Variants in ARAP2 observed in about 807,000 individuals in gnomAD.
ARAP2 encodes the protein ArfGAP with RhoGAP domain, ankyrin repeat and PH domain 2.
In ARAP2, 148 loss-of-function variants were observed where a neutral mutation model predicts 194.5. That is an observed-to-expected ratio of 0.76 (90% CI 0.67 to 0.87). The LOEUF is 0.87. ARAP2 is among the 40% of genes least tolerant of loss of function. The pLI, the probability that ARAP2 is intolerant of heterozygous loss-of-function variation, is 0.00. For missense variants in ARAP2, 2,128 were observed against 1,989.7 expected (o/e 1.07, Z -1.32); for synonymous variants, 695 against 683.5 (o/e 1.02, Z -0.26).
intron 19 of ARAP2, among the ~76,000 whole-genome samples, chr4:36,138,566 T>C (rs920002195): frequency 2.6e-5 from 4 of 151,680 alleles, no homozygotes; most frequent in African/African-American, 9.7e-5. Context: ...TGATAATCAG[T>C]ACTTCACATA....
At position 36,137,643 on chromosome 4, in the gene ARAP2, G is replaced by GT. The variant is rs200449741; in HGVS notation, c.3264-4255dup. 5.3e-3 allele frequency among the ~76,000 whole-genome samples: 809 copies of GT among 151,256 alleles called. 11 individuals are homozygous for GT. Among genetic ancestry groups the GT allele is most frequent in the African/African-American group, 0.018 (757 of 41,306 alleles). ...AGAGAACTGGAAATATCTCTGCCAA[G>GT]TTTTTTTTTCCATATATGACTAGGA... On this transcript the variant is annotated intron_variant, in intron 19 of 32. Transcript: ENST00000303965.
chr4:36,144,217 T>G (rs1402465855), intron 19 of ARAP2, among the ~76,000 whole-genome samples: 1 of 151,864 alleles, frequency 6.6e-6, no homozygotes, highest in African/African-American at 2.4e-5. Flanking sequence ...ATGAAAAGGA[T>G]AAACACATTT....
At chr4:36,006,254 C>G (rs1322605289) in intron 10 of ARAP2, 1 of 152,184 alleles carries the variant, frequency 6.6e-6, no homozygotes, top group Non-Finnish European at 1.5e-5. Context: ...TTTGAACCTA[C>G]TGTAGCAGAA....
intron 1 of ARAP2, among the ~76,000 whole-genome samples, chr4:36,234,477 G>A (rs577648092): frequency 6.6e-5 from 10 of 152,172 alleles, no homozygotes; most frequent in South Asian, 2.1e-4. Flanking sequence ...GGGAGCGGGG[G>A]GTGGGGGACA....
At chr4:36,151,310 G>T (rs1418573929) in intron 15 of ARAP2, among the ~76,000 whole-genome samples, 1 of 152,096 alleles carries the variant, frequency 6.6e-6, no homozygotes, top group Non-Finnish European at 1.5e-5. Context: ...GCTGTAAAGA[G>T]GTTGCTGAAA....
In ARAP2 at chr4:36,068,102, C is replaced by T. The variant is rs778155301; in HGVS notation, c.4920G>A (p.Glu1640=). 6.2e-7 allele frequency: 1 copy of T among 1,614,010 alleles called. No homozygotes were observed. Among genetic ancestry groups the T allele is most frequent in the East Asian group, 2.2e-5 (1 of 44,894 alleles). Residue 1640 remains glutamate (E), a synonymous_variant, in exon 33 of 33, where the codon GAG becomes GAA. Transcript: ENST00000303965. ...HRSFNCLEDT[E]PEAPLGQPKG... ...TTGGTTGCCCAAGTGGGGCTTCAGG[C>T]TCTGTGTCCTCCAGGCAGTTGAAAC...
chr4:36,178,053 A>G (rs572241068), intron 8 of ARAP2, 48 bp from the exon 9 acceptor site: 3 of 1,496,806 alleles, frequency 2.0e-6, no homozygotes, highest in African/African-American at 2.8e-5. Context: ...TATAAGTTAC[A>G]TAGACACAGA....
At chr4:36,229,747 C>A (rs959638926) in intron 1 of ARAP2, 102 bp from the exon 2 acceptor site, 1 of 292,360 alleles carries the variant, frequency 3.4e-6, no homozygotes, top group African/African-American at 2.2e-5. Flanking sequence ...GACACTAACT[C>A]TCACTCTGCA....
exon 9 of ARAP2, chr4:36,012,748 G>A (rs1236054034): frequency 6.6e-6 from 1 of 152,184 alleles, no homozygotes; most frequent in African/African-American, 2.4e-5. Flanking sequence ...GGGTTACAGA[G>A]CAGAGTGCAC....
chr4:36,147,582 TC>T lies in ARAP2; in HGVS notation c.3164del (p.Gly1055GlufsTer6). 6.2e-7 allele frequency: 1 copy of T among 1,613,472 alleles called. No homozygotes were observed. The highest frequency in any genetic ancestry group is 1.3e-5 in the African/African-American group (1 of 75,008). ...HFCLQMQEVQGDRMHLRRLQE... is the reference protein window; with the variant it reads ...HFCLQMQEVQXDRMHLRRLQE... Reference sequence around the variant, plus strand: ...GCAGTCTTCTTAAGTGCATTCTATCTCCCTGAACTTCTTGCATTTGAAGGCA... The same window carrying T: ...GCAGTCTTCTTAAGTGCATTCTATCTCCTGAACTTCTTGCATTTGAAGGCA... On this transcript the variant is annotated frameshift_variant, in exon 18 of 33. Coordinates refer to ENST00000303965, the MANE Select transcript of ARAP2 (RefSeq NM_015230.4). LOFTEE classifies it high-confidence loss of function.
At position 36,128,615 on chromosome 4, in the gene ARAP2, C is replaced by T. The variant is rs771824573; in HGVS notation, c.3558G>A (p.Thr1186=). Reference sequence around the variant, plus strand: ...CAGAGAGAAAACTTTTCAACACAGCCGTCACATCTTCAAGCTGATGTTTTC... The same window carrying T: ...CAGAGAGAAAACTTTTCAACACAGCTGTCACATCTTCAAGCTGATGTTTTC... ...RAGKHQLEDV[T]AVLKSFLSDI... The change falls in exon 21 of 33, where the codon ACG becomes ACA. Residue 1186 remains threonine (T), a synonymous_variant. Transcript: ENST00000303965. 1.7e-5 allele frequency: 28 copies of T among 1,612,886 alleles called. No homozygotes were observed. The South Asian group carries it at 2.0e-4, about 11-fold the overall frequency.
At chr4:36,118,574 TA>T (rs1300098493) in intron 24 of ARAP2, among the ~76,000 whole-genome samples, 2 of 151,346 alleles carry the variant, frequency 1.3e-5, no homozygotes, top group Admixed American at 6.6e-5. Flanking sequence ...AATATGAATA[TA>T]AAAGATAAAA....
chr4:36,091,816 G>C, intron 28 of ARAP2, 65 bp downstream of exon 28: 1 of 1,478,478 alleles, frequency 6.8e-7, no homozygotes. Flanking sequence ...ATGGCTGACA[G>C]TAGCATAAAA....
In ARAP2 at chr4:36,128,582, A is replaced by T. The variant is rs141191377; in HGVS notation, c.3591T>A (p.Asp1197Glu). Residue 1197 changes from aspartate to glutamate, a missense_variant, in exon 21 of 33, where the codon GAT becomes GAA. Coordinates refer to ENST00000303965, the MANE Select transcript of ARAP2 (RefSeq NM_015230.4). ...AGAGCTCCTTAGTAAGCAGTGCATC[A>T]TCAATGTCAGAGAGAAAACTTTTCA... is the stretch of plus-strand genomic sequence containing the variant. ...AVLKSFLSDIDDALLTKELYP... is the reference protein window; with the variant it reads ...AVLKSFLSDIEDALLTKELYP... 3.1e-6 allele frequency: 5 copies of T among 1,613,006 alleles called. No individual in the cohort carries two copies. The highest frequency in any genetic ancestry group is 4.2e-6 in the Non-Finnish European group (5 of 1,179,594).
At chr4:36,098,335 C>A (rs373924765) in intron 27 of ARAP2, among the ~76,000 whole-genome samples, 2 of 152,106 alleles carry the variant, frequency 1.3e-5, no homozygotes, top group East Asian at 3.9e-4. Context: ...ATTGTTATCA[C>A]CCTACACACT....
At chr4:36,218,534 C>T (rs1748486005) in intron 2 of ARAP2, among the ~76,000 whole-genome samples, 2 of 152,088 alleles carry the variant, frequency 1.3e-5, no homozygotes, top group Non-Finnish European at 1.5e-5. Flanking sequence ...AGATCACCTG[C>T]ACATCTATAT....
intron 11 of ARAP2, 151 bp downstream of exon 11, chr4:36,164,763 C>T (rs1197783571): frequency 1.3e-6 from 1 of 764,216 alleles, no homozygotes; most frequent in Non-Finnish European, 2.1e-6. Flanking sequence ...GAAGTTTAGA[C>T]TCATATTTCT....
rs1338006084 is a variant in ARAP2 at position 36,198,654 on chromosome 4, G to T, written c.1488-5007C>A. Among the ~76,000 whole-genome samples, 6 of 152,240 alleles carry T rather than the reference G, an allele frequency of 3.9e-5. No homozygotes were observed. In the East Asian group the frequency reaches 9.6e-4, roughly 24 times the overall value. ...GGCATGTCAGCACTTCCCCAAGAGT[G>T]CACAGATCCAGATGGGCTGTGACAG... is the stretch of plus-strand genomic sequence containing the variant. On this transcript the variant is annotated intron_variant, in intron 6 of 32. Transcript: ENST00000303965.
At chr4:36,021,539 C>G (rs1405887157) in intron 5 of ARAP2, among the ~76,000 whole-genome samples, 4 of 152,130 alleles carry the variant, frequency 2.6e-5, no homozygotes, top group Admixed American at 2.6e-4. Context: ...CTGATTTTAC[C>G]ATATGACATG....
Sources: gnomAD v4.1 joint callset for allele counts (sites outside exome capture counted in the v4.1 genomes callset) on GRCh38, gnomAD v4.1.1 for gene constraint, MANE v1.5 for transcripts, NCBI Gene and HGNC (gene_info 2026-07-23, HGNC 2026-07-21) for gene names.